The following ASIC2 variants were observed in gnomAD, a reference collection of about 807,000 sequenced individuals.
The protein encoded by ASIC2 is acid sensing ion channel subunit 2, also known as acid-sensing ion channel 2.
In ASIC2, 25 loss-of-function variants were observed where a neutral mutation model predicts 57.3. The observed-to-expected ratio is 0.44, with a 90% CI of 0.32 to 0.61. The LOEUF (loss-of-function observed/expected upper bound fraction) is 0.61. Among genes scored for constraint, ASIC2 ranks in the 20% least tolerant of loss-of-function variants. The probability of loss-of-function intolerance (pLI) is 0.06; values close to 1 mark genes in which losing one functional copy is unlikely to be tolerated. For synonymous variants in ASIC2, 319 were observed against 307.5 expected (o/e 1.04, Z -0.39); for missense variants, 641 against 738.1 (o/e 0.87, Z 1.52).
chr17:33,752,148 G>A (rs1482037616), intron 1 of ASIC2, among the ~76,000 whole-genome samples: 1 of 152,140 alleles, frequency 6.6e-6, no homozygotes, highest in Non-Finnish European at 1.5e-5. Flanking sequence ...ACACAGAGTA[G>A]GGTCATTTTT....
At chr17:33,426,829 T>G (rs2141975551) in intron 1 of ASIC2, among the ~76,000 whole-genome samples, 1 of 152,324 alleles carries the variant, frequency 6.6e-6, no homozygotes. Flanking sequence ...GCACACATTA[T>G]TGCAGTTTGC....
chr17:33,197,731 C>T (rs1218553348), intron 1 of ASIC2, among the ~76,000 whole-genome samples: 1 of 152,182 alleles, frequency 6.6e-6, no homozygotes, highest in South Asian at 2.1e-4. Flanking sequence ...AAGGACAATT[C>T]GGGAGAGCTG....
intron 1 of ASIC2, among the ~76,000 whole-genome samples, chr17:33,326,277 T>G (rs906541446): frequency 6.6e-6 from 1 of 152,212 alleles, no homozygotes; most frequent in African/African-American, 2.4e-5. Context: ...ATCGAGGTCA[T>G]TAACTTGACC....
At chr17:33,511,955 G>A (rs1914442396) in intron 1 of ASIC2, among the ~76,000 whole-genome samples, 1 of 152,170 alleles carries the variant, frequency 6.6e-6, no homozygotes, top group Non-Finnish European at 1.5e-5. Context: ...GAGGTCAAGA[G>A]GGCTCTTAGA....
intron 1 of ASIC2, among the ~76,000 whole-genome samples, chr17:33,179,395 T>C (rs918854334): frequency 2.0e-5 from 3 of 152,188 alleles, no homozygotes; most frequent in African/African-American, 7.2e-5. Context: ...AAAATTACTG[T>C]CAGTCAGCCG....
At chr17:33,555,279 C>T (rs945588689) in intron 1 of ASIC2, among the ~76,000 whole-genome samples, 2 of 152,166 alleles carry the variant, frequency 1.3e-5, no homozygotes, top group East Asian at 1.9e-4. Context: ...TTAGAAGGTA[C>T]TTGTTTTCCA....
chr17:33,635,288 T>G (rs1461340737), intron 1 of ASIC2, among the ~76,000 whole-genome samples: 1 of 152,244 alleles, frequency 6.6e-6, no homozygotes, highest in Non-Finnish European at 1.5e-5. Flanking sequence ...TCTCAGATAC[T>G]ATGCTAATTG....
intron 1 of ASIC2, among the ~76,000 whole-genome samples, chr17:33,462,463 AG>A (rs1333744188): frequency 2.0e-5 from 3 of 152,176 alleles, no homozygotes; most frequent in Admixed American, 1.3e-4. Context: ...ATAATACCCT[AG>A]GGGATGAAAG....
intron 1 of ASIC2, among the ~76,000 whole-genome samples, chr17:33,526,409 A>G (rs1467759675): frequency 1.3e-5 from 2 of 151,976 alleles, no homozygotes; most frequent in East Asian, 1.9e-4. Context: ...CTTCTCTTCT[A>G]TTGCTTTGGA....
At position 34,122,793 on chromosome 17, in the gene ASIC2, G is replaced by A. The variant is rs372915677; in HGVS notation, c.555+33185C>T. ...CAATTAAAAACACAAGCTGCTCAGG[G>A]AGAGATAAATCAATTTTCATCAGAG... On this transcript the variant is annotated intron_variant, in intron 1 of 9. Transcript: ENST00000359872. Among the ~76,000 whole-genome samples, 265 of 152,308 alleles carry A rather than the reference G, an allele frequency of 1.7e-3. 4 individuals carry two copies. Among genetic ancestry groups the A allele is most frequent in the East Asian group, 3.7e-3 (19 of 5,186 alleles).
intron 1 of ASIC2, among the ~76,000 whole-genome samples, chr17:33,948,684 C>T (rs186159860): frequency 9.2e-5 from 14 of 152,282 alleles, no homozygotes; most frequent in South Asian, 4.1e-4. Flanking sequence ...CTGTGGACTT[C>T]GGCAAATGAC....
intron 1 of ASIC2, among the ~76,000 whole-genome samples, chr17:33,752,585 T>C (rs1910468451): frequency 6.6e-6 from 1 of 152,230 alleles, no homozygotes; most frequent in South Asian, 2.1e-4. Flanking sequence ...AGAAAAGATA[T>C]ATGTATTTAT....
At chr17:33,668,663 A>T (rs1907557080) in intron 1 of ASIC2, among the ~76,000 whole-genome samples, 1 of 152,200 alleles carries the variant, frequency 6.6e-6, no homozygotes, top group African/African-American at 2.4e-5. Flanking sequence ...ACAGGTTCCC[A>T]GGATCAGGGC....
chr17:34,042,892 GTTC>G (rs1202349415), intron 1 of ASIC2, among the ~76,000 whole-genome samples: 3 of 152,124 alleles, frequency 2.0e-5, no homozygotes, highest in African/African-American at 7.2e-5. Flanking sequence ...CAGTATAAAT[GTTC>G]TTCAACAGTA....
rs1026020384 is a variant in ASIC2 at position 33,850,092 on chromosome 17, G to A, written c.555+305886C>T. 3.3e-5 allele frequency among the ~76,000 whole-genome samples: 5 copies of A among 152,314 alleles called. No individual in the cohort carries two copies. The South Asian group carries it at 1.0e-3, about 32-fold the overall frequency. ...CCTTATCGAAGATTAGAGTCTAACT[G>A]TGCTTATCATTCTTCCATTACTGTT... is the stretch of plus-strand genomic sequence containing the variant. On this transcript the variant is annotated intron_variant, in intron 1 of 9. Transcript: ENST00000359872.
intron 1 of ASIC2, among the ~76,000 whole-genome samples, chr17:33,169,050 C>A (rs920719951): frequency 1.3e-5 from 2 of 152,168 alleles, no homozygotes; most frequent in South Asian, 4.1e-4. Context: ...AGGGGATGGG[C>A]CAGGGGCGCT....
At chr17:33,096,161 T>C (rs568861326) in intron 2 of ASIC2, among the ~76,000 whole-genome samples, 7 of 152,346 alleles carry the variant, frequency 4.6e-5, no homozygotes, top group Admixed American at 4.6e-4. Context: ...AGGAACATTT[T>C]TCTTATTTCT....
intron 1 of ASIC2, among the ~76,000 whole-genome samples, chr17:34,123,710 C>CT (rs1186266446): frequency 6.6e-6 from 1 of 152,196 alleles, no homozygotes; most frequent in Non-Finnish European, 1.5e-5. Flanking sequence ...TCTCCTGCTT[C>CT]TTAGGATCAT....
chr17:33,988,481 C>T (rs1411546721), intron 1 of ASIC2, among the ~76,000 whole-genome samples: 1 of 152,174 alleles, frequency 6.6e-6, no homozygotes, highest in Non-Finnish European at 1.5e-5. Context: ...GTGAGGTCTC[C>T]TCGGCCATGT....
Sources: allele counts gnomAD v4.1 joint callset (sites outside exome capture counted in the v4.1 genomes callset), GRCh38; gene constraint gnomAD v4.1.1; transcripts MANE v1.5; gene names NCBI Gene and HGNC (gene_info 2026-07-23, HGNC 2026-07-21).